The following DRAM1 variants were observed in gnomAD, a reference collection of about 807,000 sequenced individuals.
The protein encoded by DRAM1 is DNA damage regulated autophagy modulator 1, also known as DNA damage-regulated autophagy modulator protein 1.
A neutral mutation model predicts 28.5 loss-of-function variants in DRAM1; 25 were observed. The observed-to-expected ratio is 0.88, with a 90% CI of 0.64 to 1.23. The LOEUF (loss-of-function observed/expected upper bound fraction) is 1.23, where lower values mean the gene tolerates loss of function less well. DRAM1 is among the 50% of genes most tolerant of loss of function. The pLI, the probability that DRAM1 is intolerant of heterozygous loss-of-function variation, is 0.00. For missense variants in DRAM1, 249 were observed against 299.2 expected (o/e 0.83, Z 1.24); for synonymous variants, 113 against 114.2 (o/e 0.99, Z 0.07).
rs771823620 is a variant in DRAM1 at position 101,908,253 on chromosome 12, C to T, written c.410C>T (p.Thr137Met). ...GCCTTTGTCTGTGGTGTCGTGTACA[C>T]GCTCCTACAGTCCATCATCTCTTAC... ...LLAFVCGVVY[T>M]LLQSIISYKS... The change falls in exon 4 of 7, where the codon ACG becomes ATG. Residue 137 changes from threonine (T) to methionine (M), a missense_variant. This residue lies in a region of DRAM1 where 218 missense variants were observed against 243.1 expected (regional missense o/e 0.90). Coordinates refer to ENST00000258534, the MANE Select transcript of DRAM1 (RefSeq NM_018370.3). 68 of 1,613,984 alleles carry T rather than the reference C, an allele frequency of 4.2e-5. No individual in the cohort carries two copies. Among genetic ancestry groups the T allele is most frequent in the Non-Finnish European group, 5.5e-5 (65 of 1,180,012 alleles).
At chr12:101,897,207 A>AT (rs11366351) in intron 1 of DRAM1, among the ~76,000 whole-genome samples, 9 of 150,448 alleles carry the variant, frequency 6.0e-5, no homozygotes, top group South Asian at 2.1e-4. Context: ...ATTTATTTTT[A>AT]TTTTTTTTTT....
Position 101,921,215 on chromosome 12 carries a change from G to C in DRAM1, c.673-1G>C. The C allele has an allele frequency of 6.3e-7, 1 of 1,595,440 alleles. No individual in the cohort carries two copies. Among genetic ancestry groups the C allele is most frequent in the Non-Finnish European group, 8.6e-7 (1 of 1,163,128 alleles). On this transcript the variant is annotated splice_acceptor_variant, in intron 6 of 6. Transcript: ENST00000258534. LOFTEE classifies it high-confidence loss of function. The stretch of plus-strand genomic sequence containing the variant: ...CCTTTCTCTTTCATTTTTAAAAATA[G>C]AGTGTCACCCTAAGGATATCCACAG...
chr12:101,917,807 A>C (rs932877823), intron 5 of DRAM1, among the ~76,000 whole-genome samples: 1 of 151,858 alleles, frequency 6.6e-6, no homozygotes, highest in Admixed American at 6.6e-5. Flanking sequence ...ATGGGGAATT[A>C]GCCCCATCAT....
At chr12:101,891,654 T>G (rs955174822) in intron 1 of DRAM1, among the ~76,000 whole-genome samples, 5 of 152,208 alleles carry the variant, frequency 3.3e-5, no homozygotes, top group African/African-American at 1.2e-4. Context: ...CTAAAATAAC[T>G]GTGTATACAT....
intron 1 of DRAM1, among the ~76,000 whole-genome samples, chr12:101,881,811 A>T (rs1249608285): frequency 6.6e-6 from 1 of 152,174 alleles, no homozygotes; most frequent in African/African-American, 2.4e-5. Flanking sequence ...CAGTCTTATT[A>T]TTCACCACAG....
At chr12:101,891,987 A>T (rs1873144422) in intron 1 of DRAM1, among the ~76,000 whole-genome samples, 1 of 152,150 alleles carries the variant, frequency 6.6e-6, no homozygotes, top group Admixed American at 6.6e-5. Flanking sequence ...ATTTAGCTTG[A>T]GCTTAAAAAA....
Position 101,921,673 on chromosome 12 carries a change from G to A in DRAM1, c.*413G>A, listed in dbSNP as rs1441954899. 6.5e-6 allele frequency: 1 copy of A among 153,780 alleles called. No homozygotes were observed. The highest frequency in any genetic ancestry group is 1.4e-5 in the Non-Finnish European group (1 of 69,696). The allele number at this position is 153,780 out of a possible 1,614,324, so 9.5% of individuals were successfully genotyped here. On this transcript the variant is annotated 3_prime_UTR_variant, in exon 7 of 7. Coordinates refer to ENST00000258534, the MANE Select transcript of DRAM1 (RefSeq NM_018370.3). ...AAGTGAAATCAGGGGATATTCATTTGTAAATTTTATTCTTAGTGAATGAAC... is the reference window on the plus strand; with the variant it reads ...AAGTGAAATCAGGGGATATTCATTTATAAATTTTATTCTTAGTGAATGAAC...
At chr12:101,880,353 T>C (rs1872652054) in intron 1 of DRAM1, among the ~76,000 whole-genome samples, 2 of 141,090 alleles carry the variant, frequency 1.4e-5, no homozygotes, top group East Asian at 4.5e-4. Flanking sequence ...AATGGTGCAA[T>C]CTCGGCTCAG....
chr12:101,915,201 G>T (rs144783720), intron 5 of DRAM1, among the ~76,000 whole-genome samples: 1 of 151,796 alleles, frequency 6.6e-6, no homozygotes, highest in African/African-American at 2.4e-5. Context: ...GGATGGTCTC[G>T]ATCTCCTGAC....
intron 4 of DRAM1, among the ~76,000 whole-genome samples, chr12:101,912,696 A>T (rs1192711254): frequency 2.6e-5 from 4 of 151,404 alleles, no homozygotes; most frequent in Non-Finnish European, 5.9e-5. Context: ...CTGACTCTGA[A>T]TTCAGAGGAG....
chr12:101,892,514 A>G (rs1873177887), intron 1 of DRAM1, among the ~76,000 whole-genome samples: 1 of 151,370 alleles, frequency 6.6e-6, no homozygotes, highest in South Asian at 2.1e-4. Flanking sequence ...TCGGCCTCTC[A>G]GAGTGCTGGG....
At chr12:101,914,321 C>T (rs1461032374) in intron 5 of DRAM1, 89 bp downstream of exon 5, 2 of 875,624 alleles carry the variant, frequency 2.3e-6, no homozygotes. Flanking sequence ...CACTGCCGTT[C>T]CTTAGAACAA....
chr12:101,907,596 G>A (rs1418731159), intron 3 of DRAM1, among the ~76,000 whole-genome samples: 9 of 151,896 alleles, frequency 5.9e-5, no homozygotes, highest in Admixed American at 2.0e-4. Context: ...AAAATTAGCC[G>A]GGCGTGGTGG....
chr12:101,878,373 G>C (rs993027718), intron 1 of DRAM1, among the ~76,000 whole-genome samples: 1 of 152,202 alleles, frequency 6.6e-6, no homozygotes, highest in Non-Finnish European at 1.5e-5. Flanking sequence ...GCGAGCGGTG[G>C]TGTAAAGTTG....
intron 1 of DRAM1, among the ~76,000 whole-genome samples, chr12:101,888,441 A>G (rs1022647900): frequency 6.6e-6 from 1 of 151,866 alleles, no homozygotes; most frequent in Non-Finnish European, 1.5e-5. Flanking sequence ...GAAAAGTATT[A>G]TTTTTGAGAT....
At position 101,921,247 on chromosome 12, in the gene DRAM1, A is replaced by G. The variant is rs61748066; in HGVS notation, c.704A>G (p.Asn235Ser). The change falls in exon 7 of 7, where the codon AAT (asparagine) becomes AGT (serine). Residue 235 changes from asparagine (N) to serine (S), a missense_variant. Asn to Ser is a conservative substitution (Grantham distance 46). This residue lies in a region of DRAM1 where 16 missense variants were observed against 16.2 expected (regional missense o/e 0.99). Transcript: ENST00000258534. ...ACCCTAAGGATATCCACAGAAATCA[A>G]TGGTGATATTTGAAGAAAGAAGAAT... ...SVTLRISTEI[N>S]GDI 5.7e-5 allele frequency: 91 copies of G among 1,607,242 alleles called. No individual in the cohort carries two copies. Among genetic ancestry groups the G allele is most frequent in the African/African-American group, 4.7e-4 (35 of 74,876 alleles).
intron 1 of DRAM1, among the ~76,000 whole-genome samples, chr12:101,885,523 G>T (rs1225691326): frequency 7.7e-6 from 1 of 130,428 alleles, no homozygotes; most frequent in African/African-American, 3.1e-5. Flanking sequence ...TTTCCCACTG[G>T]ACTTTTTTTT....
At chr12:101,910,542 A>T (rs946233616) in intron 4 of DRAM1, among the ~76,000 whole-genome samples, 2 of 149,476 alleles carry the variant, frequency 1.3e-5, no homozygotes, top group Non-Finnish European at 3.0e-5. Context: ...CAATGGTGCG[A>T]TCTCCGCTCA....
At chr12:101,908,842 GA>G (rs1873922784) in intron 4 of DRAM1, among the ~76,000 whole-genome samples, 1 of 139,418 alleles carries the variant, frequency 7.2e-6, no homozygotes, top group African/African-American at 2.7e-5. Context: ...CCAAGCAAAG[GA>G]TCTTTGTCAC....
Sources: allele counts gnomAD v4.1 joint callset (sites outside exome capture counted in the v4.1 genomes callset), GRCh38; gene constraint gnomAD v4.1.1; regional missense constraint gnomAD v4.1.1; transcripts MANE v1.5; gene names NCBI Gene and HGNC (gene_info 2026-07-23, HGNC 2026-07-21).